Variants in PRKN observed in about 807,000 individuals in gnomAD.
The protein encoded by PRKN is parkin RBR E3 ubiquitin protein ligase, also known as E3 ubiquitin-protein ligase parkin.
PRKN carries 56 observed loss-of-function variants against 59.5 expected under a neutral mutation model. The ratio of observed to expected loss-of-function variants is 0.94; its 90% CI spans 0.76 to 1.18. The LOEUF is 1.18. Among genes scored for constraint, PRKN ranks in the 50% most tolerant of loss-of-function variants. The pLI is 0.00. For synonymous variants in PRKN, 250 were observed against 222.1 expected (o/e 1.13, Z -1.12); for missense variants, 657 against 596.4 (o/e 1.10, Z -1.06).
intron 6 of PRKN, among the ~76,000 whole-genome samples, chr6:161,885,535 G>GT (rs1795110205): frequency 6.6e-6 from 1 of 151,898 alleles, no homozygotes; most frequent in Non-Finnish European, 1.5e-5. Flanking sequence ...CGTGGTGGCG[G>GT]GCCCCTGTAG....
intron 1 of PRKN, among the ~76,000 whole-genome samples, chr6:162,498,168 AGGGATTT>A (rs1793156131): frequency 1.3e-5 from 2 of 152,078 alleles, no homozygotes; most frequent in African/African-American, 4.8e-5. Context: ...CCTCAGAACA[AGGGATTT>A]GTGCTTATTG....
intron 1 of PRKN, among the ~76,000 whole-genome samples, chr6:162,577,226 T>C (rs1780593575): frequency 6.7e-6 from 1 of 150,172 alleles, no homozygotes; most frequent in Admixed American, 6.7e-5. Flanking sequence ...ACAGATAACT[T>C]AAAAAAAGAT....
chr6:162,292,473 TA>T (rs1286936276), intron 2 of PRKN, among the ~76,000 whole-genome samples: 5 of 151,920 alleles, frequency 3.3e-5, no homozygotes, highest in Admixed American at 6.6e-5. Context: ...AGGAGAGACT[TA>T]AAAAAAATCC....
Position 161,407,534 on chromosome 6 carries a change from A to G in PRKN, c.1084-20657T>C, listed in dbSNP as rs978535425. Among the ~76,000 whole-genome samples the G allele has an allele frequency of 4.6e-5, 7 of 152,218 alleles. No individual in the cohort carries two copies. Among genetic ancestry groups the G allele is most frequent in the Non-Finnish European group, 1.0e-4 (7 of 68,046 alleles). On this transcript the variant is annotated intron_variant, in intron 9 of 11. Coordinates refer to ENST00000366898, the MANE Select transcript of PRKN (RefSeq NM_004562.3). The surrounding 1 kb of genome is among the most constrained non-coding windows in gnomAD (Gnocchi z 4.9). ...TTGTAAACATCCACATCAATTTACA[A>G]TATCCTGATTTCAGAAATGTTAAAA...
At chr6:161,808,388 T>C (rs1791422638) in intron 6 of PRKN, among the ~76,000 whole-genome samples, 4 of 152,188 alleles carry the variant, frequency 2.6e-5, no homozygotes, top group Admixed American at 2.6e-4. Context: ...TAAGAGAATA[T>C]AAGTTGCTTA....
intron 4 of PRKN, among the ~76,000 whole-genome samples, chr6:162,174,712 C>T (rs1045941879): frequency 6.6e-6 from 1 of 152,130 alleles, no homozygotes; most frequent in Non-Finnish European, 1.5e-5. Context: ...GGTATTCATT[C>T]CCTTGTGCTT....
chr6:161,508,479 A>G (rs1236013737), intron 9 of PRKN, among the ~76,000 whole-genome samples: 3 of 152,148 alleles, frequency 2.0e-5, no homozygotes, highest in Non-Finnish European at 4.4e-5. Flanking sequence ...GTCAGTCCTT[A>G]TGGCTCCATT....
At chr6:162,616,040 A>T (rs1782395088) in intron 1 of PRKN, among the ~76,000 whole-genome samples, 1 of 152,200 alleles carries the variant, frequency 6.6e-6, no homozygotes, top group African/African-American at 2.4e-5. Context: ...CAAAACCATG[A>T]GCTGTCACCC....
intron 1 of PRKN, among the ~76,000 whole-genome samples, chr6:162,499,146 T>C (rs1351911993): frequency 6.6e-6 from 1 of 152,114 alleles, no homozygotes; most frequent in Non-Finnish European, 1.5e-5. Context: ...CCCTGTCTTA[T>C]CTCTCATCAC....
At chr6:162,170,656 C>T (rs894390917) in intron 4 of PRKN, among the ~76,000 whole-genome samples, 1 of 152,106 alleles carries the variant, frequency 6.6e-6, no homozygotes, top group African/African-American at 2.4e-5. Flanking sequence ...ATTAGCTGGG[C>T]CTCTACTTCC....
At position 161,446,942 on chromosome 6, in the gene PRKN, C is replaced by A. The variant is rs1008267565; in HGVS notation, c.1084-60065G>T. Among the ~76,000 whole-genome samples, 1 of 152,212 alleles carries A rather than the reference C, an allele frequency of 6.6e-6. No individual in the cohort carries two copies. Among genetic ancestry groups the A allele is most frequent in the African/African-American group, 2.4e-5 (1 of 41,454 alleles). ...TTAAAAGCTACTCTGTACCCCAGGA[C>A]ATGGGAGCAGCTCCTATCCTTCCCA... On this transcript the variant is annotated intron_variant, in intron 9 of 11. Coordinates refer to ENST00000366898, the MANE Select transcript of PRKN (RefSeq NM_004562.3). The surrounding 1 kb of genome is among the most constrained non-coding windows in gnomAD (Gnocchi z 6.2).
At chr6:162,703,379 G>A (rs1370625435) in intron 1 of PRKN, among the ~76,000 whole-genome samples, 1 of 152,046 alleles carries the variant, frequency 6.6e-6, no homozygotes, top group Non-Finnish European at 1.5e-5. Flanking sequence ...TCTAATTCTT[G>A]TCAATTAACA....
At chr6:161,774,445 G>A (rs1287499162) in intron 7 of PRKN, among the ~76,000 whole-genome samples, 1 of 150,008 alleles carries the variant, frequency 6.7e-6, no homozygotes, top group Non-Finnish European at 1.5e-5. Context: ...GCGTGGCTAG[G>A]CAGGGCCATG....
intron 3 of PRKN, among the ~76,000 whole-genome samples, chr6:162,249,856 C>T (rs543441095): frequency 6.6e-6 from 1 of 152,006 alleles, no homozygotes; most frequent in East Asian, 1.9e-4. Context: ...CAAAACGAAA[C>T]CTTTGTGGGC....
At chr6:162,593,510 G>A (rs888543870) in intron 1 of PRKN, among the ~76,000 whole-genome samples, 1 of 152,162 alleles carries the variant, frequency 6.6e-6, no homozygotes, top group Non-Finnish European at 1.5e-5. Context: ...ACTTTACACA[G>A]TACGGTTTAT....
rs560548963 is a variant in PRKN, at chr6:161,576,854, T to C, written c.872-7438A>G. 6.6e-6 allele frequency among the ~76,000 whole-genome samples: 1 copy of C among 152,198 alleles called. No homozygotes were observed. The highest frequency in any genetic ancestry group is 2.4e-5 in the African/African-American group (1 of 41,456). On this transcript the variant is annotated intron_variant, in intron 7 of 11. Coordinates refer to ENST00000366898, the MANE Select transcript of PRKN (RefSeq NM_004562.3). This position sits in a 1 kb window ranked among gnomAD's most constrained non-coding sequence, Gnocchi z 4.6. ...TATGAGTTAGCTAGAGTGAAATGTA[T>C]CAAAACAGGTAAATCTCAAAATCAT...
intron 1 of PRKN, among the ~76,000 whole-genome samples, chr6:162,626,631 G>A (rs899774729): frequency 2.0e-5 from 3 of 151,990 alleles, no homozygotes; most frequent in Non-Finnish European, 4.4e-5. Context: ...CCTGGCCAAC[G>A]TGGTGAAGCC....
intron 3 of PRKN, among the ~76,000 whole-genome samples, chr6:162,221,318 G>A (rs1453449835): frequency 6.6e-6 from 1 of 152,138 alleles, no homozygotes; most frequent in Non-Finnish European, 1.5e-5. Context: ...TCTTCAATTG[G>A]TCTGGTCTGT....
intron 5 of PRKN, among the ~76,000 whole-genome samples, chr6:161,977,911 A>C: frequency 6.6e-6 from 1 of 152,240 alleles, no homozygotes; most frequent in East Asian, 1.9e-4. Context: ...GGTCAGAACA[A>C]GTTGGTGTCT....
Sources: allele counts gnomAD v4.1 joint callset (sites outside exome capture counted in the v4.1 genomes callset), GRCh38; gene constraint gnomAD v4.1.1; non-coding constraint Gnocchi (gnomAD v3.1); transcripts MANE v1.5; gene names NCBI Gene and HGNC (gene_info 2026-07-23, HGNC 2026-07-21).